NHEJ1: variants seen among roughly 807,000 people sequenced by gnomAD.
The protein encoded by NHEJ1 is non-homologous end-joining factor 1.
Under a neutral mutation model 39.4 loss-of-function variants are expected in NHEJ1, and 22 were observed. The observed-to-expected ratio is 0.56, with a 90% CI of 0.40 to 0.80. The LOEUF (loss-of-function observed/expected upper bound fraction) is 0.80, where lower values mean the gene tolerates loss of function less well. Among genes scored for constraint, NHEJ1 ranks in the 30% least tolerant of loss-of-function variants. NHEJ1 has a pLI of 0.00. For missense variants in NHEJ1, 329 were observed against 357.1 expected (o/e 0.92, Z 0.63); for synonymous variants, 154 against 135.6 (o/e 1.14, Z -0.94).
intron 5 of NHEJ1, among the ~76,000 whole-genome samples, chr2:219,101,475 ATC>A: frequency 6.6e-6 from 1 of 151,644 alleles, no homozygotes; most frequent in Middle Eastern, 3.4e-3. Flanking sequence ...CAGTGGTGGG[ATC>A]ATAGCTCACT....
At chr2:219,090,656 C>T (rs1949152353) in intron 5 of NHEJ1, among the ~76,000 whole-genome samples, 1 of 152,168 alleles carries the variant, frequency 6.6e-6, no homozygotes, top group Non-Finnish European at 1.5e-5. Flanking sequence ...CCTTACTAAA[C>T]AAAGCTGGAT....
intron 5 of NHEJ1, among the ~76,000 whole-genome samples, chr2:219,080,601 TAA>T (rs1491428822): frequency 9.1e-6 from 1 of 110,022 alleles, no homozygotes; most frequent in African/African-American, 3.1e-5. Flanking sequence ...ATATATATGC[TAA>T]TATATATAAG....
chr2:219,159,552 C>CATATATATGCAT lies in NHEJ1; in HGVS notation c.-1+1167_-1+1168insATGCATATATAT, dbSNP rs1553549829. On this transcript the variant is annotated intron_variant, in intron 1 of 7. Transcript: ENST00000356853. ...ATATATATATGCATATATATATATG[C>CATATATATGCAT]ATATATATATGCATATATATATGCA... Among the ~76,000 whole-genome samples, 66 of 66,360 alleles carry CATATATATGCAT rather than the reference C, an allele frequency of 9.9e-4. 2 individuals are homozygous for CATATATATGCAT. The highest frequency in any genetic ancestry group is 2.9e-3 in the East Asian group (5 of 1,736). 43.5% of individuals were successfully genotyped at this position (66,360 alleles called of 152,430 possible). A position where few individuals can be genotyped will look rare whatever the true frequency, so the allele number is the denominator to read the frequency against.
intron 5 of NHEJ1, among the ~76,000 whole-genome samples, chr2:219,139,414 C>G (rs895542780): frequency 2.6e-5 from 4 of 152,052 alleles, no homozygotes; most frequent in African/African-American, 9.7e-5. Flanking sequence ...GGATCACTGG[C>G]TCTGGAGGAA....
rs1466164881 is a variant in NHEJ1 at position 219,071,346 on chromosome 2, G to C, written c.*5035C>G. 6.6e-6 allele frequency among the ~76,000 whole-genome samples: 1 copy of C among 152,232 alleles called. No individual in the cohort carries two copies. The highest frequency in any genetic ancestry group is 1.5e-5 in the Non-Finnish European group (1 of 68,040). On this transcript the variant is annotated 3_prime_UTR_variant, in exon 8 of 8. Transcript: ENST00000356853. ...AAGCTAGGAGGACTCTGGCCCGGGA[G>C]AGGGGGGTAGGGGTTAGGCAAACAG...
Position 219,108,228 on chromosome 2 carries a change from C to T in NHEJ1, c.589-30022G>A, listed in dbSNP as rs566357332. The stretch of plus-strand genomic sequence containing the variant: ...GCCTTGTGAACAGTATCAAAACTGT[C>T]AGAAGGCTCTGCCCTCCTTCCACAC... On this transcript the variant is annotated intron_variant, in intron 5 of 7. Transcript: ENST00000356853. Among the ~76,000 whole-genome samples, 14 of 152,350 alleles carry T rather than the reference C, an allele frequency of 9.2e-5. No individual in the cohort carries two copies. The South Asian group carries it at 2.9e-3, about 32-fold the overall frequency.
In NHEJ1 at chr2:219,074,386, G is replaced by C. The variant is rs1202970016; in HGVS notation, c.*1995C>G. Among the ~76,000 whole-genome samples, 3 of 152,190 alleles carry C rather than the reference G, an allele frequency of 2.0e-5. No individual in the cohort carries two copies. The highest frequency in any genetic ancestry group is 2.9e-5 in the Non-Finnish European group (2 of 68,034). On this transcript the variant is annotated 3_prime_UTR_variant, in exon 8 of 8. Transcript: ENST00000356853. ...TATTTTCTCCAAGCTTGCAGGGGAA[G>C]CCTTTCCATTTTCCATGTGCCTTGT...
chr2:219,152,624 AT>A (rs1239467386), intron 3 of NHEJ1, among the ~76,000 whole-genome samples: 1 of 150,770 alleles, frequency 6.6e-6, no homozygotes, highest in Non-Finnish European at 1.5e-5. Flanking sequence ...ACACCCACCT[AT>A]TTTTTTTATT....
At chr2:219,078,342 T>C in intron 5 of NHEJ1, 136 bp from the exon 6 acceptor site, 1 of 769,616 alleles carries the variant, frequency 1.3e-6, no homozygotes, top group East Asian at 2.5e-5. Flanking sequence ...GGCGACCATA[T>C]CCAAGCCTGG....
intron 5 of NHEJ1, among the ~76,000 whole-genome samples, chr2:219,115,774 C>T (rs1006678517): frequency 6.6e-6 from 1 of 152,144 alleles, no homozygotes; most frequent in African/African-American, 2.4e-5. Context: ...GCTCCCTACT[C>T]GTTTGCAATT....
At chr2:219,141,971 G>C (rs1468614406) in intron 5 of NHEJ1, among the ~76,000 whole-genome samples, 1 of 152,146 alleles carries the variant, frequency 6.6e-6, no homozygotes, top group African/African-American at 2.4e-5. Flanking sequence ...CTCTAGCTTC[G>C]TAAGAGCAGC....
At chr2:219,133,340 T>C (rs1282801704) in intron 5 of NHEJ1, among the ~76,000 whole-genome samples, 1 of 152,242 alleles carries the variant, frequency 6.6e-6, no homozygotes, top group East Asian at 1.9e-4. Flanking sequence ...GTTTGATACT[T>C]TCTTTTCTCC....
intron 5 of NHEJ1, among the ~76,000 whole-genome samples, chr2:219,130,505 TA>T (rs5838719): frequency 0.93 from 141,306 of 152,174 alleles, 66,365 homozygotes; most frequent in East Asian, 1. Flanking sequence ...AACAGAGCGG[TA>T]AATAGGGCAT....
chr2:219,106,796 A>T (rs13408334), intron 5 of NHEJ1, among the ~76,000 whole-genome samples: 16,246 of 152,210 alleles, frequency 0.11, 884 homozygotes, highest in African/African-American at 0.13. Flanking sequence ...AGAAAAGAAA[A>T]AGTACAGACA....
At chr2:219,088,269 A>G (rs954287262) in intron 5 of NHEJ1, among the ~76,000 whole-genome samples, 1 of 152,248 alleles carries the variant, frequency 6.6e-6, no homozygotes, top group African/African-American at 2.4e-5. Context: ...ATAGCTTTAC[A>G]ATAAAATATT....
intron 5 of NHEJ1, among the ~76,000 whole-genome samples, chr2:219,105,107 T>C (rs992356287): frequency 7.2e-5 from 11 of 152,162 alleles, no homozygotes; most frequent in Non-Finnish European, 1.3e-4. Flanking sequence ...TCTTCTAGTT[T>C]AGTATTTACC....
intron 5 of NHEJ1, chr2:219,095,229 C>T (rs574054126): frequency 2.2e-6 from 1 of 463,202 alleles, no homozygotes; most frequent in South Asian, 1.6e-5. Flanking sequence ...TTTGTAAGAT[C>T]TGTGAGACAG....
At chr2:219,137,570 C>CAA (rs58279021) in intron 5 of NHEJ1, among the ~76,000 whole-genome samples, 508 of 34,740 alleles carry the variant, frequency 0.015, 12 homozygotes, top group Admixed American at 0.041. Flanking sequence ...GTGTTACAGG[C>CAA]AAAAAAAAAA....
At chr2:219,095,340 T>C in intron 5 of NHEJ1, 1 of 471,120 alleles carries the variant, frequency 2.1e-6, no homozygotes, top group South Asian at 1.5e-5. Context: ...CCAGTTTTGA[T>C]GGGTATATCT....
Sources: allele counts gnomAD v4.1 joint callset (sites outside exome capture counted in the v4.1 genomes callset), GRCh38; gene constraint gnomAD v4.1.1; transcripts MANE v1.5; gene names NCBI Gene and HGNC (gene_info 2026-07-23, HGNC 2026-07-21).